The following SLC25A21 variants were observed in gnomAD, a reference collection of about 807,000 sequenced individuals.
The protein encoded by SLC25A21 is solute carrier family 25 member 21, also known as mitochondrial 2-oxodicarboxylate carrier.
A neutral mutation model predicts 43.8 loss-of-function variants in SLC25A21; 47 were observed. That is an observed-to-expected ratio of 1.07 (90% confidence interval 0.85 to 1.37). SLC25A21 has a LOEUF of 1.37. SLC25A21 is among the 40% of genes most tolerant of loss of function. The pLI is 0.00. For synonymous variants in SLC25A21, 131 were observed against 121.3 expected, an observed-to-expected ratio of 1.08 and a Z score of -0.52; for missense variants, 352 against 350.2, an observed-to-expected ratio of 1.00 and a Z score of -0.04.
At chr14:36,721,924 A>G (rs1884389429) in intron 6 of SLC25A21, among the ~76,000 whole-genome samples, 1 of 152,264 alleles carries the variant, frequency 6.6e-6, no homozygotes, top group African/African-American at 2.4e-5. Flanking sequence ...ACATGAATGC[A>G]TTCTCATGTT....
chr14:36,815,627 G>A (rs1594613299), intron 2 of SLC25A21, among the ~76,000 whole-genome samples: 1 of 152,224 alleles, frequency 6.6e-6, no homozygotes, highest in African/African-American at 2.4e-5. Context: ...TTTTGCATAT[G>A]ATCATGCATC....
rs568210937 is a variant in SLC25A21, at chr14:36,841,104, T to G, written c.120-27103A>C. Reference sequence around the variant, plus strand: ...TCAACCCAGATAGCCTTGAGTTTCTTGGAGTATAACTGAAGTATCAACATG... The same window carrying G: ...TCAACCCAGATAGCCTTGAGTTTCTGGGAGTATAACTGAAGTATCAACATG... On this transcript the variant is annotated intron_variant, in intron 2 of 9. Transcript: ENST00000331299. Among the ~76,000 whole-genome samples, 3 of 152,376 alleles carry G rather than the reference T, an allele frequency of 2.0e-5. No individual in the cohort carries two copies. In the South Asian group the frequency reaches 6.2e-4, roughly 32 times the overall value.
At chr14:36,692,976 C>T (rs1882853587) in intron 7 of SLC25A21, among the ~76,000 whole-genome samples, 1 of 152,156 alleles carries the variant, frequency 6.6e-6, no homozygotes, top group East Asian at 1.9e-4. Flanking sequence ...CTTTGCAGAA[C>T]TCAATTCTGT....
At chr14:36,801,930 G>A (rs112565217) in intron 3 of SLC25A21, among the ~76,000 whole-genome samples, 12 of 152,276 alleles carry the variant, frequency 7.9e-5, no homozygotes, top group African/African-American at 2.9e-4. Context: ...AGCCTTCACA[G>A]TTTCCCTAAT....
chr14:37,170,287 G>A (rs562358848), intron 1 of SLC25A21, among the ~76,000 whole-genome samples: 60 of 152,218 alleles, frequency 3.9e-4, no homozygotes, highest in Non-Finnish European at 7.6e-4. Context: ...GCCTGCCTCC[G>A]CCTCACAAAG....
At chr14:36,888,256 G>A (rs1890979904) in intron 1 of SLC25A21, among the ~76,000 whole-genome samples, 1 of 152,056 alleles carries the variant, frequency 6.6e-6, no homozygotes. Flanking sequence ...TTTGCTAATT[G>A]CAAATTTCCA....
intron 1 of SLC25A21, among the ~76,000 whole-genome samples, chr14:37,136,421 A>AT (rs901277931): frequency 3.3e-5 from 5 of 151,980 alleles, no homozygotes; most frequent in Admixed American, 6.6e-5. Context: ...TCCAGGAAAC[A>AT]TTTTTTTTCC....
intron 1 of SLC25A21, among the ~76,000 whole-genome samples, chr14:37,117,855 T>A (rs949608703): frequency 2.2e-4 from 4 of 18,086 alleles, no homozygotes; most frequent in African/African-American, 4.0e-4. Context: ...CCAAACATAG[T>A]TTTTTTTTGT....
intron 3 of SLC25A21, among the ~76,000 whole-genome samples, chr14:36,781,204 T>C (rs1887047051): frequency 6.6e-6 from 1 of 152,170 alleles, no homozygotes; most frequent in Non-Finnish European, 1.5e-5. Flanking sequence ...TTTCAGCTTA[T>C]TGTGTCCTTA....
intron 3 of SLC25A21, among the ~76,000 whole-genome samples, chr14:36,778,076 ACTCC>A: frequency 1.3e-5 from 2 of 151,182 alleles, no homozygotes; most frequent in East Asian, 3.9e-4. Context: ...TCCCCAGGAT[ACTCC>A]CTCCCCTGGG....
intron 1 of SLC25A21, among the ~76,000 whole-genome samples, chr14:37,029,205 T>C (rs1050938868): frequency 4.6e-5 from 7 of 152,144 alleles, no homozygotes; most frequent in Non-Finnish European, 7.3e-5. Flanking sequence ...TGACAAGCAA[T>C]ATTTAAAAGG....
At chr14:37,024,686 T>A (rs1961057059) in intron 1 of SLC25A21, among the ~76,000 whole-genome samples, 1 of 152,040 alleles carries the variant, frequency 6.6e-6, no homozygotes, top group Admixed American at 6.6e-5. Flanking sequence ...TGAACATATT[T>A]GTTGGCATCT....
At chr14:37,151,667 A>G (rs1963761098) in intron 1 of SLC25A21, among the ~76,000 whole-genome samples, 1 of 152,188 alleles carries the variant, frequency 6.6e-6, no homozygotes, top group African/African-American at 2.4e-5. Context: ...AAGCTTTGAA[A>G]GCAAAGAGCA....
chr14:37,150,211 C>T (rs180952304), intron 1 of SLC25A21, among the ~76,000 whole-genome samples: 34 of 152,258 alleles, frequency 2.2e-4, no homozygotes, highest in African/African-American at 7.9e-4. Context: ...GACTATAATA[C>T]ATACCCTAGC....
At chr14:36,949,524 T>C (rs899004130) in intron 1 of SLC25A21, among the ~76,000 whole-genome samples, 6 of 152,192 alleles carry the variant, frequency 3.9e-5, no homozygotes, top group African/African-American at 1.4e-4. Context: ...TTCTCAGGAA[T>C]TCTCCACCTT....
rs1263056570 is a variant in SLC25A21, at chr14:36,957,846, G to A, written c.71-82842C>T. ...GTCGTGAAAATAGTTTTATTTATAC[G>A]CAACTTGTTCTTATAATGATATTCA... On this transcript the variant is annotated intron_variant, in intron 1 of 9. Transcript: ENST00000331299. Among the ~76,000 whole-genome samples the A allele has an allele frequency of 2.0e-5, 3 of 152,078 alleles. No homozygotes were observed. The South Asian group carries it at 6.2e-4, about 31-fold the overall frequency.
At chr14:37,139,666 A>T (rs1218931800) in intron 1 of SLC25A21, among the ~76,000 whole-genome samples, 4 of 152,196 alleles carry the variant, frequency 2.6e-5, no homozygotes, top group African/African-American at 9.6e-5. Context: ...AAATAGTTCT[A>T]TCCATTTAAC....
chr14:36,765,140 T>A (rs1347233675), intron 3 of SLC25A21, among the ~76,000 whole-genome samples: 1 of 152,228 alleles, frequency 6.6e-6, no homozygotes, highest in Admixed American at 6.5e-5. Context: ...TATTTTGAAA[T>A]GCTTGTTCTT....
rs116833412 is a variant in SLC25A21, at chr14:36,902,332, G to C, written c.71-27328C>G. 5.8e-3 allele frequency among the ~76,000 whole-genome samples: 883 copies of C among 152,224 alleles called. 8 individuals carry two copies. Among genetic ancestry groups the C allele is most frequent in the African/African-American group, 0.019 (804 of 41,540 alleles). On this transcript the variant is annotated intron_variant, in intron 1 of 9. Coordinates refer to ENST00000331299, the MANE Select transcript of SLC25A21 (RefSeq NM_030631.4). Reference sequence around the variant, plus strand: ...TATACCAGAGTCCAGCCATCCCAGTGATTACACAGGTAGGGTCAAAGATGA... The same window carrying C: ...TATACCAGAGTCCAGCCATCCCAGTCATTACACAGGTAGGGTCAAAGATGA...
Sources: allele counts gnomAD v4.1 joint callset (sites outside exome capture counted in the v4.1 genomes callset), GRCh38; gene constraint gnomAD v4.1.1; transcripts MANE v1.5; gene names NCBI Gene and HGNC (gene_info 2026-07-23, HGNC 2026-07-21).